Variants in GALNTL6 observed in about 807,000 individuals in gnomAD.
GALNTL6 encodes the protein polypeptide N-acetylgalactosaminyltransferase like 6, also known as polypeptide N-acetylgalactosaminyltransferase-like 6.
A neutral mutation model predicts 73.7 loss-of-function variants in GALNTL6; 46 were observed. That is an observed-to-expected ratio of 0.62 (90% CI 0.49 to 0.80). The LOEUF (loss-of-function observed/expected upper bound fraction) is 0.80, where lower values mean the gene tolerates loss of function less well. Among genes scored for constraint, GALNTL6 ranks in the 30% least tolerant of loss-of-function variants. The probability of loss-of-function intolerance (pLI) is 0.00; values close to 1 mark genes in which losing one functional copy is unlikely to be tolerated. For synonymous variants in GALNTL6, 259 were observed against 263.7 expected, an observed-to-expected ratio of 0.98 and a Z score of 0.17; for missense variants, 604 against 755.0, an observed-to-expected ratio of 0.80 and a Z score of 2.34.
intron 5 of GALNTL6, among the ~76,000 whole-genome samples, chr4:172,804,545 A>G (rs1473917065): frequency 1.3e-5 from 2 of 152,214 alleles, no homozygotes; most frequent in Non-Finnish European, 2.9e-5. Flanking sequence ...AGAACTAAGC[A>G]ACTAGTGGCT....
intron 5 of GALNTL6, among the ~76,000 whole-genome samples, chr4:172,686,027 C>T (rs1332466113): frequency 6.6e-6 from 1 of 152,180 alleles, no homozygotes; most frequent in African/African-American, 2.4e-5. Context: ...TATGTTTAGG[C>T]ACTGGATTAA....
At chr4:172,084,237 A>T (rs887662589) in intron 2 of GALNTL6, among the ~76,000 whole-genome samples, 4 of 152,220 alleles carry the variant, frequency 2.6e-5, no homozygotes, top group African/African-American at 9.6e-5. Flanking sequence ...TATGTGAGTG[A>T]ACTAGGTTTG....
At chr4:172,056,939 T>G (rs1167582418) in intron 2 of GALNTL6, among the ~76,000 whole-genome samples, 3 of 152,148 alleles carry the variant, frequency 2.0e-5, no homozygotes. Flanking sequence ...TAAATTATGG[T>G]TTTAAAATTA....
chr4:172,110,890 C>A (rs190683242), intron 2 of GALNTL6, among the ~76,000 whole-genome samples: 2 of 151,942 alleles, frequency 1.3e-5, no homozygotes, highest in Non-Finnish European at 2.9e-5. Flanking sequence ...GCAGAACCCA[C>A]GGAAGAGAAA....
At chr4:172,040,281 G>A (rs1742047070) in intron 2 of GALNTL6, among the ~76,000 whole-genome samples, 1 of 151,890 alleles carries the variant, frequency 6.6e-6, no homozygotes, top group East Asian at 1.9e-4. Flanking sequence ...GGTATTAAAG[G>A]TATTTATCTG....
intron 2 of GALNTL6, among the ~76,000 whole-genome samples, chr4:172,076,474 A>AAGAT (rs1731707540): frequency 6.6e-6 from 1 of 152,248 alleles, no homozygotes; most frequent in Admixed American, 6.5e-5. Flanking sequence ...AAACAAAGGG[A>AAGAT]AGATATGAAT....
Position 172,403,278 on chromosome 4 carries a change from T to C in GALNTL6, c.553+54589T>C, listed in dbSNP as rs201096227. ...TTTTGTCCCAGCTCAATATTTACAC[T>C]GATTCTGAAATTTTAGCAAAGAGTT... On this transcript the variant is annotated intron_variant, in intron 5 of 12. Transcript: ENST00000506823. 7.8e-4 allele frequency among the ~76,000 whole-genome samples: 118 copies of C among 152,152 alleles called. 1 individual carries two copies. In the South Asian group the frequency reaches 0.016, roughly 21 times the overall value.
At position 172,735,421 on chromosome 4, in the gene GALNTL6, G is replaced by A. The variant is rs111684080; in HGVS notation, c.554-73940G>A. On this transcript the variant is annotated intron_variant, in intron 5 of 12. Coordinates refer to ENST00000506823, the MANE Select transcript of GALNTL6 (RefSeq NM_001034845.3). The stretch of plus-strand genomic sequence containing the variant: ...CCAATTTCTCTCATTTGGAACAGGT[G>A]TGTTTACCCATTGCCTATACCCCCA... Among the ~76,000 whole-genome samples, 1,428 of 152,274 alleles carry A rather than the reference G, an allele frequency of 9.4e-3. 11 individuals carry two copies. Among genetic ancestry groups the A allele is most frequent in the Non-Finnish European group, 0.016 (1,098 of 68,022 alleles).
intron 2 of GALNTL6, among the ~76,000 whole-genome samples, chr4:171,857,965 C>T (rs924451935): frequency 3.3e-5 from 5 of 152,164 alleles, no homozygotes; most frequent in Non-Finnish European, 7.4e-5. Context: ...CAATAATAAT[C>T]ACTGAAAGAC....
At chr4:172,193,903 A>G (rs367849729) in intron 2 of GALNTL6, among the ~76,000 whole-genome samples, 4 of 152,078 alleles carry the variant, frequency 2.6e-5, no homozygotes, top group Admixed American at 2.6e-4. Context: ...AAAAAATGCC[A>G]AAAACTCAAA....
At chr4:172,889,091 A>C (rs770994724) in intron 8 of GALNTL6, among the ~76,000 whole-genome samples, 3 of 152,118 alleles carry the variant, frequency 2.0e-5, no homozygotes, top group Non-Finnish European at 2.9e-5. Flanking sequence ...AATACTACTA[A>C]ATTTTGTACA....
intron 12 of GALNTL6, among the ~76,000 whole-genome samples, chr4:173,036,015 CTT>C (rs768533040): frequency 6.6e-6 from 1 of 152,116 alleles, no homozygotes. Context: ...TCTATTAACT[CTT>C]TTTATCCTCA....
intron 5 of GALNTL6, among the ~76,000 whole-genome samples, chr4:172,432,313 G>A (rs780734132): frequency 6.6e-6 from 1 of 151,554 alleles, no homozygotes; most frequent in Non-Finnish European, 1.5e-5. Flanking sequence ...AGTTAGAAGA[G>A]CTGGTCTGCA....
chr4:172,789,678 T>A (rs1023047408), intron 5 of GALNTL6, among the ~76,000 whole-genome samples: 2 of 152,150 alleles, frequency 1.3e-5, no homozygotes, highest in African/African-American at 4.8e-5. Flanking sequence ...CAGGATCCAG[T>A]CCTCTTGGGT....
intron 7 of GALNTL6, among the ~76,000 whole-genome samples, chr4:172,814,270 G>A (rs941653889): frequency 6.6e-6 from 1 of 152,228 alleles, no homozygotes; most frequent in Non-Finnish European, 1.5e-5. Flanking sequence ...TGATAATCCT[G>A]CCCCTAATTT....
At chr4:172,996,848 G>A (rs948372091) in intron 10 of GALNTL6, among the ~76,000 whole-genome samples, 1 of 5,892 alleles carries the variant, frequency 1.7e-4, no homozygotes, top group South Asian at 0.17. Context: ...TTTCAGAAAT[G>A]GATTTTTTTA....
At position 172,507,800 on chromosome 4, in the gene GALNTL6, C is replaced by A; in HGVS notation, c.553+159111C>A. Among the ~76,000 whole-genome samples the A allele has an allele frequency of 3.6e-5, 2 of 54,954 alleles. 1 individual carries two copies. 36.1% of individuals were successfully genotyped at this position (54,954 alleles called of 152,430 possible). The stretch of plus-strand genomic sequence containing the variant: ...TTCAGTATTATTTCTCCAGCACCAG[C>A]AAATTGCTTGGTACATAATAGGCCC... On this transcript the variant is annotated intron_variant, in intron 5 of 12. Transcript: ENST00000506823.
chr4:172,253,544 G>A (rs1737954220), intron 3 of GALNTL6, among the ~76,000 whole-genome samples: 1 of 151,908 alleles, frequency 6.6e-6, no homozygotes, highest in South Asian at 2.1e-4. Context: ...TGACAATAGT[G>A]TGTAAGCCCT....
chr4:171,890,258 T>A (rs1736725002), intron 2 of GALNTL6, among the ~76,000 whole-genome samples: 1 of 152,142 alleles, frequency 6.6e-6, no homozygotes, highest in African/African-American at 2.4e-5. Flanking sequence ...TATAAAACCA[T>A]ATATTACATT....
Sources: allele counts gnomAD v4.1 joint callset (sites outside exome capture counted in the v4.1 genomes callset), GRCh38; gene constraint gnomAD v4.1.1; transcripts MANE v1.5; gene names NCBI Gene and HGNC (gene_info 2026-07-23, HGNC 2026-07-21).